The following ABCG5 variants were observed in gnomAD, a reference collection of about 807,000 sequenced individuals.
ABCG5 encodes the protein ATP binding cassette subfamily G member 5.
Under a neutral mutation model 64.5 loss-of-function variants are expected in ABCG5, and 64 were observed. The observed-to-expected ratio is 0.99, with a 90% CI of 0.81 to 1.22. ABCG5 has a LOEUF of 1.22. Ranked by LOEUF, ABCG5 falls within the 50% of genes most tolerant of loss-of-function variation. The pLI, the probability that ABCG5 is intolerant of heterozygous loss-of-function variation, is 0.00. For synonymous variants in ABCG5, 385 were observed against 326.3 expected (o/e 1.18, Z -1.94); for missense variants, 908 against 829.5 (o/e 1.09, Z -1.16).
At chr2:43,822,610 A>G in intron 10 of ABCG5, 187 bp downstream of exon 10, 1 of 985,292 alleles carries the variant, frequency 1.0e-6, no homozygotes, top group Non-Finnish European at 1.2e-6. Flanking sequence ...GTCTCCTGCA[A>G]CCCACAGTTG....
Position 43,823,953 on chromosome 2 carries a change from G to A in ABCG5, c.1284C>T (p.Gly428=), listed in dbSNP as rs143972075. The A allele has an allele frequency of 3.7e-4, 600 of 1,614,136 alleles. No homozygotes were observed. In the African/African-American group the frequency reaches 6.6e-3, roughly 18 times the overall value. Residue 428 remains glycine, a synonymous_variant, in exon 9 of 13, where the codon GGC becomes GGT. Transcript: ENST00000405322. ...DRVGLLYQFV[G]ATPYTGMLNA... is the part of the protein sequence containing the mutation. ...TCAGCATGCCTGTGTACGGGGTGGCGCCCACAAACTGGTAAAGGAGACCTA... is the reference window on the plus strand; with the variant it reads ...TCAGCATGCCTGTGTACGGGGTGGCACCCACAAACTGGTAAAGGAGACCTA...
chr2:43,815,211 C>T (rs1253262505), intron 11 of ABCG5, among the ~76,000 whole-genome samples: 1 of 152,182 alleles, frequency 6.6e-6, no homozygotes, highest in East Asian at 1.9e-4. Flanking sequence ...AATATGTCTC[C>T]TCTCCAATCT....
chr2:43,834,122 C>A (rs939944993), intron 2 of ABCG5, among the ~76,000 whole-genome samples: 1 of 152,200 alleles, frequency 6.6e-6, no homozygotes, highest in Non-Finnish European at 1.5e-5. Flanking sequence ...AGGAGGTGGA[C>A]AGAGTGGGGA....
Position 43,838,742 on chromosome 2 carries a change from A to G in ABCG5, c.-63T>C. 6.3e-7 allele frequency: 1 copy of G among 1,592,592 alleles called. No individual in the cohort carries two copies. The highest frequency in any genetic ancestry group is 8.5e-7 in the Non-Finnish European group (1 of 1,170,384). On this transcript the variant is annotated 5_prime_UTR_variant, in exon 1 of 13. Coordinates refer to ENST00000405322, the MANE Select transcript of ABCG5 (RefSeq NM_022436.3). This position sits in a 1 kb window ranked among gnomAD's most constrained non-coding sequence, Gnocchi z 4.2. ...GCCGGACCCTCCCCAGAGTGGCTTC[A>G]GTTGGGGAGCCCGTGGCAGACTGCC...
Position 43,838,200 on chromosome 2 carries a change from G to T in ABCG5, c.144-245C>A. 1.7e-6 allele frequency: 1 copy of T among 599,330 alleles called. No individual in the cohort carries two copies. Among genetic ancestry groups the T allele is most frequent in the Non-Finnish European group, 2.9e-6 (1 of 339,942 alleles). 37.1% of individuals were successfully genotyped at this position (599,330 alleles called of 1,614,324 possible). A position where few individuals can be genotyped will look rare whatever the true frequency, so the allele number is the denominator to read the frequency against. On this transcript the variant is annotated intron_variant, in intron 1 of 12. Coordinates refer to ENST00000405322, the MANE Select transcript of ABCG5 (RefSeq NM_022436.3). This position sits in a 1 kb window ranked among gnomAD's most constrained non-coding sequence, Gnocchi z 4.2. The stretch of plus-strand genomic sequence containing the variant: ...GTCCTGTCCGTTTGGCTGCGAGGTG[G>T]CTGTCCCTGCATTCTTTCACCAGGT...
chr2:43,825,022 AC>A lies in ABCG5; in HGVS notation c.775-5del. 6.2e-7 allele frequency: 1 copy of A among 1,613,566 alleles called. No individual in the cohort carries two copies. The highest frequency in any genetic ancestry group is 8.5e-7 in the Non-Finnish European group (1 of 1,179,726). ...GGATGGCAATTTTGTCAAAGAGCTG[AC>A]CAGACAACAGACGTAGTTAGTGTGT... On this transcript the variant is annotated splice_region_variant and splice_polypyrimidine_tract_variant and intron_variant, in intron 6 of 12. Coordinates refer to ENST00000405322, the MANE Select transcript of ABCG5 (RefSeq NM_022436.3).
At chr2:43,827,774 A>C (rs952592282) in intron 5 of ABCG5, among the ~76,000 whole-genome samples, 1 of 152,198 alleles carries the variant, frequency 6.6e-6, no homozygotes, top group African/African-American at 2.4e-5. Flanking sequence ...CGGGTCCAGG[A>C]GCTGTTTTGT....
downstream of ABCG5, among the ~76,000 whole-genome samples, chr2:43,811,339 T>G (rs1234212501): frequency 6.6e-6 from 1 of 152,222 alleles, no homozygotes; most frequent in Non-Finnish European, 1.5e-5. Flanking sequence ...TCCACATCCT[T>G]AAATACTGTT....
chr2:43,818,086 T>C (rs1666959190), intron 11 of ABCG5, among the ~76,000 whole-genome samples: 1 of 152,178 alleles, frequency 6.6e-6, no homozygotes, highest in Non-Finnish European at 1.5e-5. Context: ...ATGTAATTTG[T>C]TGAATATTTA....
chr2:43,833,396 T>G (rs948324761), intron 2 of ABCG5, among the ~76,000 whole-genome samples: 1 of 146,980 alleles, frequency 6.8e-6, no homozygotes, highest in African/African-American at 2.5e-5. Flanking sequence ...ATTATTATTA[T>G]TATTGAGACG....
rs762332494 is a variant in ABCG5 at position 43,836,441 on chromosome 2, C to G, written c.265+1393G>C. ...GCAGTGAATGTCAACAATTTGCAAGCAATAGCTCAATCAAGAGGCTTCTGT... is the reference window on the plus strand; with the variant it reads ...GCAGTGAATGTCAACAATTTGCAAGGAATAGCTCAATCAAGAGGCTTCTGT... On this transcript the variant is annotated intron_variant, in intron 2 of 12. Coordinates refer to ENST00000405322, the MANE Select transcript of ABCG5 (RefSeq NM_022436.3). 9.2e-5 allele frequency among the ~76,000 whole-genome samples: 14 copies of G among 152,156 alleles called. No homozygotes were observed. In the South Asian group the frequency reaches 2.9e-3, roughly 32 times the overall value.
At chr2:43,812,345 T>C (rs1666525536), downstream of ABCG5, 1 of 151,894 alleles carries the variant, frequency 6.6e-6, no homozygotes, top group Admixed American at 6.5e-5. Flanking sequence ...GGTAGGTTTT[T>C]TTTTTTTTAT....
In ABCG5 at chr2:43,828,079, C is replaced by T. The variant is rs761153980; in HGVS notation, c.538G>A (p.Val180Met). 6 of 1,614,046 alleles carry T rather than the reference C, an allele frequency of 3.7e-6. No individual in the cohort carries two copies. The Admixed American group carries it at 8.3e-5, about 22-fold the overall frequency. ...AVMAELSLSH[V>M]ADRLIGNYSL... is the part of the protein sequence containing the mutation. ...TAGTTGCCAATCAGTCGGTCTGCCA[C>T]ATGGCTCAGACTCAGCTCTGCCATG... Residue 180 changes from valine (V) to methionine (M), a missense_variant, in exon 5 of 13, where the codon GTG becomes ATG. Coordinates refer to ENST00000405322, the MANE Select transcript of ABCG5 (RefSeq NM_022436.3).
At chr2:43,815,122 A>G (rs905244428) in intron 11 of ABCG5, among the ~76,000 whole-genome samples, 3 of 152,198 alleles carry the variant, frequency 2.0e-5, no homozygotes, top group African/African-American at 7.2e-5. Flanking sequence ...TGAAGGTACC[A>G]ACGTAGAAAG....
chr2:43,832,874 A>G (rs1668036483), intron 2 of ABCG5, among the ~76,000 whole-genome samples: 1 of 151,826 alleles, frequency 6.6e-6, no homozygotes, highest in Non-Finnish European at 1.5e-5. Flanking sequence ...CAGTGGCACA[A>G]TCTCAGCACA....
At chr2:43,828,615 T>C in intron 4 of ABCG5, 1 of 313,458 alleles carries the variant, frequency 3.2e-6, no homozygotes, top group Non-Finnish European at 6.1e-6. Flanking sequence ...TTAGCCATGA[T>C]GGCACCACTG....
chr2:43,811,942 T>C (rs115650286), downstream of ABCG5, among the ~76,000 whole-genome samples: 3,276 of 152,298 alleles, frequency 0.022, 81 homozygotes, highest in African/African-American at 0.062. Flanking sequence ...CTTGAAAATA[T>C]GTAATACAGG....
intron 2 of ABCG5, among the ~76,000 whole-genome samples, chr2:43,833,389 A>ATTATTG (rs1668068277): frequency 6.8e-6 from 1 of 147,922 alleles, no homozygotes; most frequent in Non-Finnish European, 1.5e-5. Flanking sequence ...TATTATTATT[A>ATTATTG]TTATTATTAT....
chr2:43,817,587 C>T (rs1017685447), intron 11 of ABCG5, among the ~76,000 whole-genome samples: 1 of 151,850 alleles, frequency 6.6e-6, no homozygotes, highest in African/African-American at 2.4e-5. Context: ...CAGATAAACC[C>T]ATCATAAGTT....
Sources: allele counts gnomAD v4.1 joint callset (sites outside exome capture counted in the v4.1 genomes callset), GRCh38; gene constraint gnomAD v4.1.1; non-coding constraint Gnocchi (gnomAD v3.1); transcripts MANE v1.5; gene names NCBI Gene and HGNC (gene_info 2026-07-23, HGNC 2026-07-21).